Variants in BLTP1 observed in about 807,000 individuals in gnomAD.
BLTP1 encodes the protein bridge-like lipid transfer protein family member 1.
At chr4:122,345,206 A>G in the BLTP1 span, among the ~76,000 whole-genome samples, 19 of 152,288 alleles carry the variant, frequency 1.2e-4, no homozygotes, top group Non-Finnish European at 2.5e-4. Context: ...GGGAGCAGGC[A>G]TGAATAAGAC....
At chr4:122,325,681 A>G in the BLTP1 span, 1 of 1,011,650 alleles carries the variant, frequency 9.9e-7, no homozygotes, top group South Asian at 1.7e-5. Context: ...TATTTTATTT[A>G]TAGATAGCAG....
chr4:122,347,752 G>A, the BLTP1 span: 1 of 1,613,648 alleles, frequency 6.2e-7, no homozygotes, highest in African/African-American at 1.3e-5. Context: ...ATCAAGGAGT[G>A]TATCTGATTC....
chr4:122,181,178 C>G, the BLTP1 span: 1 of 425,290 alleles, frequency 2.4e-6, no homozygotes, highest in Non-Finnish European at 3.1e-6. Context: ...TAAAGCAGAT[C>G]ACTAATTTTA....
the BLTP1 span, chr4:122,238,048 G>C: frequency 6.3e-7 from 1 of 1,582,912 alleles, no homozygotes. Context: ...ATAAACTGCT[G>C]TTGAGATTTG....
chr4:122,312,291 C>T, the BLTP1 span, among the ~76,000 whole-genome samples: 2 of 152,140 alleles, frequency 1.3e-5, no homozygotes, highest in African/African-American at 4.8e-5. Context: ...TGGCTTTGAC[C>T]TCCCAAAGCA....
the BLTP1 span, chr4:122,348,454 T>C: frequency 1.2e-6 from 1 of 854,140 alleles, no homozygotes; most frequent in Non-Finnish European, 1.7e-6. Context: ...TAGATTCTAA[T>C]ACAAGAATAT....
the BLTP1 span, among the ~76,000 whole-genome samples, chr4:122,291,434 T>A: frequency 5.3e-5 from 8 of 152,348 alleles, no homozygotes; most frequent in East Asian, 1.3e-3. Context: ...CCCTCTCCCA[T>A]AATCTTCAGT....
chr4:122,158,239 G>T, the BLTP1 span, among the ~76,000 whole-genome samples: 1 of 152,128 alleles, frequency 6.6e-6, no homozygotes, highest in South Asian at 2.1e-4. Flanking sequence ...AAGCATAAAT[G>T]AAGCCCTATA....
At chr4:122,168,556 T>A in the BLTP1 span, among the ~76,000 whole-genome samples, 1 of 152,196 alleles carries the variant, frequency 6.6e-6, no homozygotes, top group Admixed American at 6.5e-5. Flanking sequence ...AGATAGTTTT[T>A]TTCAAAGTAT....
the BLTP1 span, chr4:122,220,510 A>G: frequency 6.7e-7 from 1 of 1,501,024 alleles, no homozygotes; most frequent in East Asian, 2.3e-5. Context: ...ATAGAGATTT[A>G]TTATTAATAT....
chr4:122,229,179 G>A, the BLTP1 span: 6 of 1,611,150 alleles, frequency 3.7e-6, no homozygotes, highest in Admixed American at 1.7e-5. Context: ...ACTATGATTC[G>A]TTTAGCAGTA....
chr4:122,289,069 T>G, the BLTP1 span: 1 of 1,604,214 alleles, frequency 6.2e-7, no homozygotes. Flanking sequence ...GTTAATCTAA[T>G]ATGATTTTGT....
the BLTP1 span, chr4:122,196,900 G>C: frequency 1.3e-5 from 7 of 534,498 alleles, 1 homozygote; most frequent in South Asian, 1.9e-4. Context: ...TATATGAGCT[G>C]TTTTCCCTTG....
At chr4:122,333,816 A>G in the BLTP1 span, 14 of 1,605,874 alleles carry the variant, frequency 8.7e-6, no homozygotes, top group Non-Finnish European at 1.2e-5. Flanking sequence ...AAAGGTAAAA[A>G]CCCAATTGCC....
the BLTP1 span, among the ~76,000 whole-genome samples, chr4:122,303,407 T>C: frequency 6.6e-6 from 1 of 152,314 alleles, no homozygotes; most frequent in Non-Finnish European, 1.5e-5. Context: ...TACAAGGAAA[T>C]TAACGTTTTT....
the BLTP1 span, chr4:122,350,037 A>G: frequency 2.5e-6 from 4 of 1,613,876 alleles, no homozygotes; most frequent in Non-Finnish European, 3.4e-6. Flanking sequence ...CGCCAAAGAC[A>G]ATGACTAGCA....
the BLTP1 span, among the ~76,000 whole-genome samples, chr4:122,240,690 T>C: frequency 2.0e-5 from 3 of 152,338 alleles, no homozygotes; most frequent in South Asian, 6.2e-4. Context: ...TTTAATGATG[T>C]TCTTTTTATT....
the BLTP1 span, chr4:122,250,715 G>T: frequency 1.2e-6 from 1 of 867,400 alleles, no homozygotes; most frequent in African/African-American, 1.7e-5. Flanking sequence ...TTAAATGTTA[G>T]TCAAAGTGTG....
the BLTP1 span, among the ~76,000 whole-genome samples, chr4:122,182,113 A>G: frequency 6.6e-6 from 1 of 152,222 alleles, no homozygotes; most frequent in Non-Finnish European, 1.5e-5. Context: ...TCCAAAAATT[A>G]TAATATTTCT....
Sources: gnomAD v4.1 joint callset for allele counts (sites outside exome capture counted in the v4.1 genomes callset) on GRCh38, gnomAD v4.1.1 for gene constraint, MANE v1.5 for transcripts, NCBI Gene and HGNC (gene_info 2026-07-23, HGNC 2026-07-21) for gene names.